DNER: variants seen among roughly 807,000 people sequenced by gnomAD.
DNER encodes delta and Notch-like epidermal growth factor-related receptor.
A neutral mutation model predicts 78.2 loss-of-function variants in DNER; 33 were observed. The observed-to-expected ratio is 0.42, with a 90% CI of 0.32 to 0.56. DNER has a LOEUF of 0.56. Among genes scored for constraint, DNER ranks in the 20% least tolerant of loss-of-function variants. The probability of loss-of-function intolerance (pLI) is 0.11; values close to 1 mark genes in which losing one functional copy is unlikely to be tolerated. For missense variants in DNER, 918 were observed against 975.3 expected, an observed-to-expected ratio of 0.94 and a Z score of 0.78; for synonymous variants, 417 against 384.8, an observed-to-expected ratio of 1.08 and a Z score of -0.98.
intron 11 of DNER, among the ~76,000 whole-genome samples, chr2:229,381,381 CT>C (rs954991654): frequency 4.6e-5 from 7 of 151,788 alleles, no homozygotes; most frequent in East Asian, 1.9e-4. Flanking sequence ...TGCAGGAGTA[CT>C]TTTTTTTTCC....
At position 229,668,553 on chromosome 2, in the gene DNER, T is replaced by C. The variant is rs1264344833; in HGVS notation, c.276+45595A>G. On this transcript the variant is annotated intron_variant, in intron 1 of 12. Transcript: ENST00000341772. ...GTGTGTGTGTATATATATATATATA[T>C]ATATATATATATATATATATATATA... 2.6e-5 allele frequency among the ~76,000 whole-genome samples: 3 copies of C among 116,204 alleles called. No homozygotes were observed. In the East Asian group the frequency reaches 6.9e-4, roughly 27 times the overall value. The allele number at this position is 116,204 out of a possible 152,430, so 76.2% of individuals were successfully genotyped here. A position where few individuals can be genotyped will look rare whatever the true frequency, so the allele number is the denominator to read the frequency against.
At position 229,359,320 on chromosome 2, in the gene DNER, C is replaced by G. The variant is rs866665360; in HGVS notation, c.2103-669G>C. On this transcript the variant is annotated intron_variant, in intron 12 of 12. Coordinates refer to ENST00000341772, the MANE Select transcript of DNER (RefSeq NM_139072.4). ...AGATTTGTATGTATCAAAATTGCCT[C>G]GACAGCAGGACTGCCTCTCAGAAGC... Among the ~76,000 whole-genome samples, 8 of 152,154 alleles carry G rather than the reference C, an allele frequency of 5.3e-5. No individual in the cohort carries two copies. In the South Asian group the frequency reaches 1.7e-3, roughly 32 times the overall value.
At chr2:229,422,425 T>G (rs113202762) in intron 8 of DNER, among the ~76,000 whole-genome samples, 2,715 of 152,296 alleles carry the variant, frequency 0.018, 89 homozygotes, top group African/African-American at 0.062. Context: ...TTTGCATGAT[T>G]TGCTCCCGAA....
chr2:229,418,134 T>A lies in DNER; in HGVS notation c.1583A>T (p.Glu528Val), dbSNP rs778382019. 6.2e-6 allele frequency: 10 copies of A among 1,614,130 alleles called. No individual in the cohort carries two copies. The highest frequency in any genetic ancestry group is 5.5e-5 in the South Asian group (5 of 91,082). The change falls in exon 9 of 13, where the codon GAG becomes GTG. Residue 528 changes from glutamate to valine, a missense_variant. Coordinates refer to ENST00000341772, the MANE Select transcript of DNER (RefSeq NM_139072.4). ...TTTGTATTCTGCCAGGCACACACAC[T>A]CATAGCCATTAACGAGGTCCCTGCA... Reference protein sequence around the residue: ...ATCRDLVNGYECVCLAEYKGT... With the variant: ...ATCRDLVNGYVCVCLAEYKGT...
At chr2:229,367,586 G>C (rs1342586793) in intron 11 of DNER, among the ~76,000 whole-genome samples, 1 of 152,136 alleles carries the variant, frequency 6.6e-6, no homozygotes, top group African/African-American at 2.4e-5. Context: ...GGGCAACAGA[G>C]TGAGACTCCA....
intron 4 of DNER, among the ~76,000 whole-genome samples, chr2:229,553,531 C>CA (rs1696789646): frequency 6.6e-6 from 1 of 152,040 alleles, no homozygotes; most frequent in Non-Finnish European, 1.5e-5. Flanking sequence ...TGGAACAAAC[C>CA]AATTGGTGAA....
At chr2:229,364,188 T>A in intron 12 of DNER, among the ~76,000 whole-genome samples, 1 of 151,670 alleles carries the variant, frequency 6.6e-6, no homozygotes, top group East Asian at 1.9e-4. Context: ...AAGTTCTTCA[T>A]CTCCAATCCA....
At chr2:229,439,925 AC>A (rs1262363226) in intron 8 of DNER, among the ~76,000 whole-genome samples, 1 of 152,176 alleles carries the variant, frequency 6.6e-6, no homozygotes, top group Non-Finnish European at 1.5e-5. Flanking sequence ...CAAATCTCAC[AC>A]CTTTTCAACA....
chr2:229,492,769 A>G (rs1370065184), intron 6 of DNER, among the ~76,000 whole-genome samples: 1 of 152,234 alleles, frequency 6.6e-6, no homozygotes, highest in African/African-American at 2.4e-5. Context: ...CCTGGGTTCA[A>G]GCTAACCTCC....
At chr2:229,593,343 A>T (rs1474674363) in intron 1 of DNER, among the ~76,000 whole-genome samples, 1 of 152,034 alleles carries the variant, frequency 6.6e-6, no homozygotes, top group Non-Finnish European at 1.5e-5. Flanking sequence ...GGCCCTTTGC[A>T]CCTGCTGGAC....
rs11679183 is a variant in DNER, at chr2:229,368,760, G to A, written c.1856-1641C>T. Among the ~76,000 whole-genome samples, 980 of 152,304 alleles carry A rather than the reference G, an allele frequency of 6.4e-3. 9 individuals carry two copies. The highest frequency in any genetic ancestry group is 0.012 in the Non-Finnish European group (805 of 68,032). ...CTCCCCACTTTACAAAGGAGGCCTA[G>A]AGAACTGACATCACTTGGAGTGAAT... On this transcript the variant is annotated intron_variant, in intron 11 of 12. Coordinates refer to ENST00000341772, the MANE Select transcript of DNER (RefSeq NM_139072.4).
At chr2:229,691,818 C>G (rs1465110740) in intron 1 of DNER, among the ~76,000 whole-genome samples, 3 of 152,084 alleles carry the variant, frequency 2.0e-5, no homozygotes, top group African/African-American at 7.2e-5. Flanking sequence ...GACCAATCAG[C>G]AGAATCTAAC....
chr2:229,368,429 T>A (rs950833476), intron 11 of DNER, among the ~76,000 whole-genome samples: 1 of 152,070 alleles, frequency 6.6e-6, no homozygotes, highest in African/African-American at 2.4e-5. Context: ...CTCTCTCCAT[T>A]CCACCAGCAA....
At chr2:229,375,264 T>C (rs1376477344) in intron 11 of DNER, among the ~76,000 whole-genome samples, 1 of 152,222 alleles carries the variant, frequency 6.6e-6, no homozygotes, top group Non-Finnish European at 1.5e-5. Context: ...ATTTATTAAG[T>C]ATCTACTATG....
At chr2:229,510,073 A>G (rs1695833421) in intron 6 of DNER, among the ~76,000 whole-genome samples, 1 of 152,170 alleles carries the variant, frequency 6.6e-6, no homozygotes, top group Admixed American at 6.6e-5. Flanking sequence ...AGTATTGTCC[A>G]AGCACAAGGT....
intron 1 of DNER, among the ~76,000 whole-genome samples, chr2:229,601,233 T>C (rs1225335685): frequency 6.6e-6 from 1 of 152,184 alleles, no homozygotes; most frequent in Non-Finnish European, 1.5e-5. Context: ...GGTCCAACTG[T>C]CACAGTATTT....
intron 1 of DNER, among the ~76,000 whole-genome samples, chr2:229,659,468 A>G (rs892525978): frequency 2.6e-5 from 4 of 152,164 alleles, no homozygotes; most frequent in African/African-American, 9.7e-5. Context: ...TTTGGTCTCA[A>G]GATCTGAACT....
chr2:229,433,372 C>A (rs910989584), intron 8 of DNER, among the ~76,000 whole-genome samples: 2 of 152,172 alleles, frequency 1.3e-5, no homozygotes, highest in African/African-American at 4.8e-5. Flanking sequence ...AAATGATCTA[C>A]CAGCCATCGG....
intron 12 of DNER, among the ~76,000 whole-genome samples, chr2:229,359,991 A>G (rs1304181251): frequency 6.6e-6 from 1 of 152,252 alleles, no homozygotes; most frequent in Non-Finnish European, 1.5e-5. Flanking sequence ...TAAAATGTGA[A>G]GCCTCACTGA....
Sources: gnomAD v4.1 joint callset for allele counts (sites outside exome capture counted in the v4.1 genomes callset) on GRCh38, gnomAD v4.1.1 for gene constraint, MANE v1.5 for transcripts, NCBI Gene and HGNC (gene_info 2026-07-23, HGNC 2026-07-21) for gene names.